TMEM117: variants seen among roughly 807,000 people sequenced by gnomAD.
The protein encoded by TMEM117 is transmembrane protein 117.
TMEM117 carries 27 observed loss-of-function variants against 52.4 expected under a neutral mutation model. The observed-to-expected ratio is 0.51, with a 90% CI of 0.38 to 0.71. The LOEUF is 0.71. TMEM117 is among the 30% of genes least tolerant of loss of function. The pLI is 0.00. For missense variants in TMEM117, 556 were observed against 630.5 expected (o/e 0.88, Z 1.26); for synonymous variants, 215 against 206.3 (o/e 1.04, Z -0.36).
chr12:43,932,349 T>TTTTTC (rs1944884857), intron 2 of TMEM117, among the ~76,000 whole-genome samples: 1 of 151,726 alleles, frequency 6.6e-6, no homozygotes, highest in Non-Finnish European at 1.5e-5. Context: ...TTTTTTTTTT[T>TTTTTC]TTTTCAGAAC....
intron 2 of TMEM117, among the ~76,000 whole-genome samples, chr12:43,857,846 G>A (rs1217073830): frequency 2.6e-5 from 4 of 152,204 alleles, no homozygotes; most frequent in Non-Finnish European, 1.5e-5. Flanking sequence ...TAACAAGGAT[G>A]TTAACAATCC....
At chr12:44,162,317 C>T (rs374326903) in intron 4 of TMEM117, among the ~76,000 whole-genome samples, 4 of 152,092 alleles carry the variant, frequency 2.6e-5, no homozygotes, top group East Asian at 3.9e-4. Context: ...TTCTTGGCCC[C>T]ACTGTCTCAG....
the TMEM117 span, among the ~76,000 whole-genome samples, chr12:43,823,803 A>C: frequency 2.6e-4 from 40 of 152,214 alleles, no homozygotes; most frequent in African/African-American, 8.9e-4. Flanking sequence ...TGCACTGGCC[A>C]TGAGTGTAAT....
chr12:44,050,916 A>G (rs1030543714), intron 3 of TMEM117, among the ~76,000 whole-genome samples: 7 of 152,244 alleles, frequency 4.6e-5, no homozygotes, highest in African/African-American at 1.7e-4. Flanking sequence ...GTTTAGGAGT[A>G]AGACTGATGG....
At chr12:44,286,346 T>C (rs930226424) in intron 5 of TMEM117, among the ~76,000 whole-genome samples, 3 of 151,164 alleles carry the variant, frequency 2.0e-5, no homozygotes, top group Non-Finnish European at 2.9e-5. Context: ...AAATATGTTT[T>C]ATTGTGTTGA....
the TMEM117 span, among the ~76,000 whole-genome samples, chr12:43,806,606 C>T: frequency 6.6e-6 from 1 of 152,174 alleles, no homozygotes; most frequent in Non-Finnish European, 1.5e-5. Flanking sequence ...CCATTCGCTG[C>T]CTCAGCAAAG....
At chr12:44,012,991 G>A (rs548125815) in intron 3 of TMEM117, among the ~76,000 whole-genome samples, 14 of 151,548 alleles carry the variant, frequency 9.2e-5, no homozygotes, top group Middle Eastern at 3.4e-3. Flanking sequence ...CTCTGATTAG[G>A]TATCACACTT....
the TMEM117 span, among the ~76,000 whole-genome samples, chr12:43,810,531 A>C: frequency 2.6e-5 from 4 of 152,178 alleles, no homozygotes; most frequent in African/African-American, 4.8e-5. Context: ...GGAATCTGCA[A>C]TCTGGTGGGA....
intron 6 of TMEM117, among the ~76,000 whole-genome samples, chr12:44,332,281 G>T (rs1056188348): frequency 3.3e-5 from 5 of 152,020 alleles, no homozygotes; most frequent in African/African-American, 9.7e-5. Context: ...TCTTCACTTT[G>T]TAAGAATGGA....
chr12:43,852,516 C>A (rs1245782732), intron 2 of TMEM117, among the ~76,000 whole-genome samples: 8 of 152,166 alleles, frequency 5.3e-5, no homozygotes, highest in Admixed American at 6.6e-5. Context: ...GCAGCAAAAT[C>A]ACTTGAACCC....
chr12:44,203,995 C>A (rs773071095), intron 4 of TMEM117, among the ~76,000 whole-genome samples: 1 of 152,060 alleles, frequency 6.6e-6, no homozygotes, highest in Non-Finnish European at 1.5e-5. Flanking sequence ...ATGCATTTCC[C>A]CTGAGAACCG....
chr12:43,820,272 A>AT, the TMEM117 span, among the ~76,000 whole-genome samples: 1 of 145,378 alleles, frequency 6.9e-6, no homozygotes, highest in Non-Finnish European at 1.5e-5. Flanking sequence ...TAATTTTTGT[A>AT]TTTTTGTTTA....
At chr12:44,173,715 T>C (rs1949081262) in intron 4 of TMEM117, among the ~76,000 whole-genome samples, 1 of 152,010 alleles carries the variant, frequency 6.6e-6, no homozygotes, top group Admixed American at 6.6e-5. Context: ...TTGAAATACT[T>C]ACTTTCATAA....
At position 44,357,944 on chromosome 12, in the gene TMEM117, G is replaced by A. The variant is rs560774239; in HGVS notation, c.769-18651G>A. On this transcript the variant is annotated intron_variant, in intron 6 of 7. Coordinates refer to ENST00000266534, the MANE Select transcript of TMEM117 (RefSeq NM_032256.3). ...CCTAGGTGCCCATCAGTGGTGGATA[G>A]GATAAAGAAAATGTGGTACATTTAC... 1.6e-3 allele frequency among the ~76,000 whole-genome samples: 240 copies of A among 152,224 alleles called. 3 individuals are homozygous for A. Among genetic ancestry groups the A allele is most frequent in the African/African-American group, 5.4e-3 (223 of 41,574 alleles).
chr12:44,393,727 C>T (rs117458315), downstream of TMEM117, among the ~76,000 whole-genome samples: 59 of 152,262 alleles, frequency 3.9e-4, 1 homozygote, highest in East Asian at 9.8e-3. Context: ...ATTCTTACCG[C>T]TCAAGAATCT....
chr12:44,396,058 A>C, the TMEM117 span, among the ~76,000 whole-genome samples: 1 of 152,136 alleles, frequency 6.6e-6, no homozygotes, highest in African/African-American at 2.4e-5. Flanking sequence ...TACAAACATC[A>C]ATTTGAGAAC....
chr12:44,207,691 C>T (rs774823453), intron 4 of TMEM117, among the ~76,000 whole-genome samples: 12 of 151,704 alleles, frequency 7.9e-5, no homozygotes, highest in African/African-American at 9.7e-5. Context: ...ATCTCAGATA[C>T]GAACAACAAC....
chr12:43,886,848 C>G (rs1944003731), intron 2 of TMEM117, among the ~76,000 whole-genome samples: 1 of 151,896 alleles, frequency 6.6e-6, no homozygotes, highest in Non-Finnish European at 1.5e-5. Flanking sequence ...TGGGCCTCAC[C>G]TATTTTCTCT....
chr12:44,157,670 A>G (rs1380135983), intron 4 of TMEM117, among the ~76,000 whole-genome samples: 1 of 152,136 alleles, frequency 6.6e-6, no homozygotes, highest in Non-Finnish European at 1.5e-5. Flanking sequence ...TTCTCTGCTT[A>G]TAGAAATTAA....
Sources: gnomAD v4.1 joint callset for allele counts (sites outside exome capture counted in the v4.1 genomes callset) on GRCh38, gnomAD v4.1.1 for gene constraint, MANE v1.5 for transcripts, NCBI Gene and HGNC (gene_info 2026-07-23, HGNC 2026-07-21) for gene names.